MAP3K13: variants seen among roughly 807,000 people sequenced by gnomAD.
MAP3K13 encodes mitogen-activated protein kinase kinase kinase 13, also known as leucine zipper-bearing kinase.
MAP3K13 carries 52 observed loss-of-function variants against 104.0 expected under a neutral mutation model. That is an observed-to-expected ratio of 0.50 (90% confidence interval 0.40 to 0.63). The LOEUF is 0.63. Ranked by LOEUF, MAP3K13 falls within the 20% of genes least tolerant of loss-of-function variation. MAP3K13 has a pLI of 0.00. For missense variants in MAP3K13, 914 were observed against 1,218.5 expected, an observed-to-expected ratio of 0.75 and a Z score of 3.72; for synonymous variants, 394 against 442.2, an observed-to-expected ratio of 0.89 and a Z score of 1.37.
Position 185,489,045 on chromosome 3 carries a change from T to C in MAP3K13, c.*6589T>C, listed in dbSNP as rs933283029. 2 of 152,236 alleles carry C rather than the reference T, an allele frequency of 1.3e-5. No individual in the cohort carries two copies. The highest frequency in any genetic ancestry group is 4.8e-5 in the African/African-American group (2 of 41,454). The allele number at this position is 152,236 out of a possible 1,614,324, so 9.4% of individuals were successfully genotyped here. On this transcript the variant is annotated 3_prime_UTR_variant, in exon 14 of 14. Transcript: ENST00000265026. Reference sequence around the variant, plus strand: ...TATTGAACGGCAATGGGAACAAGAATGACTATCAAAGCAAACAAATGCATG... The same window carrying C: ...TATTGAACGGCAATGGGAACAAGAACGACTATCAAAGCAAACAAATGCATG...
intron 1 of MAP3K13, among the ~76,000 whole-genome samples, chr3:185,375,899 T>A (rs2108753870): frequency 6.6e-6 from 1 of 152,094 alleles, no homozygotes; most frequent in Admixed American, 6.5e-5. Flanking sequence ...ATATTTAGAG[T>A]CAGTATAAAT....
chr3:185,448,196 A>G (rs1715696505), intron 5 of MAP3K13: 4 of 562,776 alleles, frequency 7.1e-6, no homozygotes, highest in Non-Finnish European at 1.3e-5. Context: ...AATATGCTGA[A>G]CTTTCTAGGA....
chr3:185,324,625 CT>C (rs1412142152), intron 2 of MAP3K13, among the ~76,000 whole-genome samples: 2 of 152,130 alleles, frequency 1.3e-5, no homozygotes, highest in African/African-American at 4.8e-5. Flanking sequence ...GCCATGCTTT[CT>C]TTTCTAATGT....
At chr3:185,455,691 TGATATATATATGAGATATATATGA>T (rs1716619846) in intron 7 of MAP3K13, among the ~76,000 whole-genome samples, 5 of 17,860 alleles carry the variant, frequency 2.8e-4, no homozygotes, top group Admixed American at 1.0e-3. Context: ...GATATATATA[TGATATATATATGAGATATATATGA>T]GATATATATG....
intron 1 of MAP3K13, among the ~76,000 whole-genome samples, chr3:185,390,819 T>C (rs201501851): frequency 9.1e-4 from 138 of 151,930 alleles, no homozygotes; most frequent in Non-Finnish European, 1.6e-3. Context: ...AGATGGGGTT[T>C]ACCATGTTGG....
At chr3:185,291,902 CCAAA>C in intron 2 of MAP3K13, 1 of 961,612 alleles carries the variant, frequency 1.0e-6, no homozygotes, top group Non-Finnish European at 1.2e-6. Flanking sequence ...ACAGTGCTTT[CCAAA>C]AAAAAAAAAA....
chr3:185,410,415 C>T (rs1194398988), intron 1 of MAP3K13, among the ~76,000 whole-genome samples: 2 of 152,124 alleles, frequency 1.3e-5, no homozygotes, highest in Non-Finnish European at 2.9e-5. Flanking sequence ...ATAAATTCTA[C>T]AGCTATAGCG....
chr3:185,473,129 A>T lies in MAP3K13; in HGVS notation c.1798A>T (p.Ser600Cys). 1 of 1,614,176 alleles carries T rather than the reference A, an allele frequency of 6.2e-7. No individual in the cohort carries two copies. Among genetic ancestry groups the T allele is most frequent in the South Asian group, 1.1e-5 (1 of 91,072 alleles). ...CCGAGGGAATAGCAGAGGCAGCCAT[A>T]GTGACTTTGCCGCAATCTTGAAAAA... ...HRRGNSRGSHSDFAAILKNQP... is the reference protein window; with the variant it reads ...HRRGNSRGSHCDFAAILKNQP... The change falls in exon 11 of 14, where the codon AGT becomes TGT. Residue 600 changes from serine to cysteine, a missense_variant. By Grantham distance (112) the Ser-to-Cys change is moderately radical (BLOSUM62 -1). Coordinates refer to ENST00000265026, the MANE Select transcript of MAP3K13 (RefSeq NM_004721.5). The surrounding 1 kb of genome is among the most constrained non-coding windows in gnomAD (Gnocchi z 4.9).
At chr3:185,459,554 T>C (rs1002641895) in intron 7 of MAP3K13, among the ~76,000 whole-genome samples, 1 of 151,982 alleles carries the variant, frequency 6.6e-6, no homozygotes, top group African/African-American at 2.4e-5. Flanking sequence ...TTCAAGCTAT[T>C]CTCTCCTGCC....
chr3:185,410,542 T>C (rs1713380748), intron 1 of MAP3K13, among the ~76,000 whole-genome samples: 3 of 152,214 alleles, frequency 2.0e-5, no homozygotes, highest in African/African-American at 7.2e-5. Context: ...AGATGATGTA[T>C]ATGCTAATTA....
At chr3:185,401,322 G>T (rs542720412) in intron 1 of MAP3K13, among the ~76,000 whole-genome samples, 5 of 152,220 alleles carry the variant, frequency 3.3e-5, no homozygotes, top group African/African-American at 1.2e-4. Flanking sequence ...ATAATTTCCT[G>T]AATTGATGAG....
chr3:185,329,066 A>T, intron 2 of MAP3K13: 3 of 510,190 alleles, frequency 5.9e-6, no homozygotes, highest in Non-Finnish European at 1.1e-5. Context: ...CCTGGCTCTA[A>T]ATCTTAGGGA....
chr3:185,471,331 A>G, intron 10 of MAP3K13, among the ~76,000 whole-genome samples: 1 of 119,974 alleles, frequency 8.3e-6, no homozygotes, highest in Non-Finnish European at 1.7e-5. Flanking sequence ...TTTTTTGTAG[A>G]GATAGGGTCT....
At chr3:185,291,859 T>C (rs1408990892) in intron 2 of MAP3K13, 5 of 1,239,904 alleles carry the variant, frequency 4.0e-6, no homozygotes, top group Non-Finnish European at 5.0e-6. Context: ...GTCCTTCATA[T>C]TGCTTACGTT....
At chr3:185,357,462 A>G (rs1001905147) in intron 2 of MAP3K13, among the ~76,000 whole-genome samples, 25 of 151,240 alleles carry the variant, frequency 1.7e-4, no homozygotes, top group African/African-American at 2.9e-4. Flanking sequence ...AAAAAAAAAA[A>G]AAAAAGAAAA....
At chr3:185,465,022 C>T (rs888553490) in intron 8 of MAP3K13, among the ~76,000 whole-genome samples, 4 of 152,182 alleles carry the variant, frequency 2.6e-5, no homozygotes, top group Non-Finnish European at 4.4e-5. Context: ...CTCTCTGTCG[C>T]TTAGGCTGGA....
At position 185,418,355 on chromosome 3, in the gene MAP3K13, G is replaced by C. The variant is rs3796200; in HGVS notation, c.-85-10142G>C. On this transcript the variant is annotated intron_variant, in intron 1 of 13. Transcript: ENST00000265026. The surrounding 1 kb of genome is among the most constrained non-coding windows in gnomAD (Gnocchi z 4.5). Reference sequence around the variant, plus strand: ...AGTTCAGGAACTTCCTCAATACGATGACCTTTAGACATGACCAGTGCTGGT... The same window carrying C: ...AGTTCAGGAACTTCCTCAATACGATCACCTTTAGACATGACCAGTGCTGGT... 62,942 of 1,594,866 alleles carry C rather than the reference G, an allele frequency of 0.039. 2,432 individuals are homozygous for C. Among genetic ancestry groups the C allele is most frequent in the East Asian group, 0.22 (9,765 of 44,796 alleles).
At chr3:185,422,125 G>A (rs12632248) in intron 1 of MAP3K13, among the ~76,000 whole-genome samples, 8,081 of 152,274 alleles carry the variant, frequency 0.053, 351 homozygotes, top group East Asian at 0.23. Context: ...GGGTCACCCC[G>A]CTAGGTAGGC....
At position 185,363,252 on chromosome 3, in the gene MAP3K13, G is replaced by A; in HGVS notation, c.-202G>A. 1.0e-6 allele frequency: 1 copy of A among 985,326 alleles called. No individual in the cohort carries two copies. The highest frequency in any genetic ancestry group is 1.2e-6 in the Non-Finnish European group (1 of 829,878). 61.0% of individuals were successfully genotyped at this position (985,326 alleles called of 1,614,324 possible). A position where few individuals can be genotyped will look rare whatever the true frequency, so the allele number is the denominator to read the frequency against. ...CTCCTTTGCGGTGGGCTGGAGGATT[G>A]TGTGGGTGGAATCCCCCTCCCCTTT... On this transcript the variant is annotated 5_prime_UTR_variant, in exon 1 of 14. It adds an upstream start codon to the 5' untranslated region. Coordinates refer to ENST00000265026, the MANE Select transcript of MAP3K13 (RefSeq NM_004721.5).
Sources: allele counts gnomAD v4.1 joint callset (sites outside exome capture counted in the v4.1 genomes callset), GRCh38; gene constraint gnomAD v4.1.1; non-coding constraint Gnocchi (gnomAD v3.1); transcripts MANE v1.5; gene names NCBI Gene and HGNC (gene_info 2026-07-23, HGNC 2026-07-21).